Variants in ZNF644 observed in about 807,000 individuals in gnomAD.
ZNF644 encodes the protein zinc finger motif enhancer binding protein 2.
ZNF644 carries 20 observed loss-of-function variants against 108.0 expected under a neutral mutation model. The ratio of observed to expected loss-of-function variants is 0.19; its 90% CI spans 0.13 to 0.27. The LOEUF is 0.27. ZNF644 is among the 10% of genes least tolerant of loss of function. ZNF644 has a pLI of 1.00. For synonymous variants in ZNF644, 542 were observed against 539.1 expected (o/e 1.01, Z -0.08); for missense variants, 1,338 against 1,548.9 (o/e 0.86, Z 2.29).
At chr1:90,927,192 A>T (rs1158672076) in intron 4 of ZNF644, among the ~76,000 whole-genome samples, 1 of 151,978 alleles carries the variant, frequency 6.6e-6, no homozygotes, top group Non-Finnish European at 1.5e-5. Flanking sequence ...TTTCTCTGAA[A>T]TTCCACAGTA....
chr1:90,951,862 C>T (rs868397099), intron 2 of ZNF644, among the ~76,000 whole-genome samples: 2 of 152,272 alleles, frequency 1.3e-5, no homozygotes, highest in East Asian at 1.9e-4. Context: ...CTTAGCATTG[C>T]GCAAATGCTC....
At chr1:91,000,747 C>T (rs1407579457) in intron 1 of ZNF644, among the ~76,000 whole-genome samples, 1 of 152,034 alleles carries the variant, frequency 6.6e-6, no homozygotes, top group Non-Finnish European at 1.5e-5. Context: ...AATCCAGGAG[C>T]TGGTTTTTTG....
intron 2 of ZNF644, among the ~76,000 whole-genome samples, chr1:90,960,945 G>T (rs946083871): frequency 8.5e-5 from 13 of 152,070 alleles, no homozygotes; most frequent in South Asian, 2.1e-4. Flanking sequence ...AAAAGTGAGG[G>T]TGAAATACAG....
intron 1 of ZNF644, among the ~76,000 whole-genome samples, chr1:91,007,128 T>TA (rs1659501018): frequency 6.6e-6 from 1 of 152,102 alleles, no homozygotes; most frequent in Non-Finnish European, 1.5e-5. Context: ...GGTTCTTTTT[T>TA]TTCAGTCACC....
chr1:90,922,202 G>C (rs1649526592), intron 4 of ZNF644, among the ~76,000 whole-genome samples: 1 of 152,116 alleles, frequency 6.6e-6, no homozygotes, highest in South Asian at 2.1e-4. Flanking sequence ...CGCCACCGAA[G>C]TATTTTTATT....
intron 2 of ZNF644, among the ~76,000 whole-genome samples, chr1:90,956,546 A>C: frequency 6.6e-6 from 1 of 152,190 alleles, no homozygotes; most frequent in East Asian, 1.9e-4. Context: ...CAAAAGCAGC[A>C]TGTAGAGGAA....
chr1:90,960,309 C>T (rs1654201830), intron 2 of ZNF644, among the ~76,000 whole-genome samples: 1 of 152,124 alleles, frequency 6.6e-6, no homozygotes, highest in Non-Finnish European at 1.5e-5. Context: ...GCAAGTTTTC[C>T]TGTTGCACCT....
chr1:90,932,763 CAAG>C (rs1390204053), intron 4 of ZNF644, among the ~76,000 whole-genome samples: 4 of 151,708 alleles, frequency 2.6e-5, no homozygotes, highest in African/African-American at 9.7e-5. Context: ...CTCTACTGAT[CAAG>C]AAGATTTTTT....
rs988488681 is a variant in ZNF644 at position 90,983,799 on chromosome 1, C to T, written c.-17-1429G>A. On this transcript the variant is annotated intron_variant, in intron 1 of 5. Coordinates refer to ENST00000337393, the MANE Select transcript of ZNF644 (RefSeq NM_201269.3). ...AAAGTTAGCTGGGCGTGGTGGCACG[C>T]GCCCGTAGTCCCAACTACTCAGGAG... Among the ~76,000 whole-genome samples the T allele has an allele frequency of 4.1e-4, 62 of 152,262 alleles. 1 individual carries two copies. The highest frequency in any genetic ancestry group is 3.3e-4 in the Admixed American group (5 of 15,290).
chr1:91,005,478 C>T lies in ZNF644; in HGVS notation c.-18+16512G>A, dbSNP rs895951142. 9.9e-5 allele frequency among the ~76,000 whole-genome samples: 15 copies of T among 152,156 alleles called. No homozygotes were observed. The East Asian group carries it at 2.7e-3, about 27-fold the overall frequency. On this transcript the variant is annotated intron_variant, in intron 1 of 5. Coordinates refer to ENST00000337393, the MANE Select transcript of ZNF644 (RefSeq NM_201269.3). ...ACTATAAACTCTACAGAATACTCCA[C>T]CTAACAACAGCAGAGTAAGGAATGT... is the stretch of plus-strand genomic sequence containing the variant.
chr1:91,015,445 C>A (rs1036499821), intron 1 of ZNF644, among the ~76,000 whole-genome samples: 1 of 152,186 alleles, frequency 6.6e-6, no homozygotes, highest in Non-Finnish European at 1.5e-5. Flanking sequence ...TGGGTTTATA[C>A]GTACATTACA....
At chr1:90,937,174 G>A (rs1207131249) in intron 4 of ZNF644, among the ~76,000 whole-genome samples, 3 of 152,098 alleles carry the variant, frequency 2.0e-5, no homozygotes, top group African/African-American at 7.2e-5. Context: ...TCCAGCCAGA[G>A]CAAGTTTTAT....
chr1:90,947,017 CTG>C (rs1363904047), intron 2 of ZNF644, among the ~76,000 whole-genome samples: 12 of 152,152 alleles, frequency 7.9e-5, no homozygotes, highest in Non-Finnish European at 7.4e-5. Context: ...AAGCAGGTAA[CTG>C]TGTGGATGAA....
intron 2 of ZNF644, among the ~76,000 whole-genome samples, chr1:90,981,809 T>A (rs537138812): frequency 6.6e-6 from 1 of 152,192 alleles, no homozygotes; most frequent in East Asian, 1.9e-4. Context: ...AACAATAATT[T>A]ACAATTTTGA....
In ZNF644 at chr1:90,941,197, CTT is replaced by C; in HGVS notation, c.155_156del (p.Lys52ArgfsTer6). ...LLDDNNFISD[K>X]ESGVHKPKDC... is the part of the protein sequence containing the mutation. ...TCTTTTGGCTTATGAACTCCGCTCT[CTT>C]TGTCTGAGATAAAATTGTTGTCATC... On this transcript the variant is annotated frameshift_variant, in exon 3 of 6. Transcript: ENST00000337393. LOFTEE classifies it high-confidence loss of function. The C allele has an allele frequency of 6.2e-7, 1 of 1,608,430 alleles. No individual in the cohort carries two copies. Among genetic ancestry groups the C allele is most frequent in the Non-Finnish European group, 8.5e-7 (1 of 1,178,168 alleles).
intron 4 of ZNF644, among the ~76,000 whole-genome samples, chr1:90,932,212 G>T (rs1650809022): frequency 6.6e-6 from 1 of 152,138 alleles, no homozygotes; most frequent in Non-Finnish European, 1.5e-5. Context: ...CCACAGAAAA[G>T]ACCAGGAGCT....
chr1:90,952,488 G>A (rs925179173), intron 2 of ZNF644, among the ~76,000 whole-genome samples: 6 of 151,984 alleles, frequency 3.9e-5, no homozygotes, highest in Admixed American at 3.9e-4. Context: ...TCAAAACACA[G>A]AACATTTATA....
chr1:90,976,572 T>C (rs971827539), intron 2 of ZNF644, among the ~76,000 whole-genome samples: 1 of 152,230 alleles, frequency 6.6e-6, no homozygotes, highest in Non-Finnish European at 1.5e-5. Flanking sequence ...TTAGCCTTTG[T>C]TAGGTTTAAA....
intron 2 of ZNF644, among the ~76,000 whole-genome samples, chr1:90,969,134 T>C (rs546378729): frequency 6.6e-6 from 1 of 152,280 alleles, no homozygotes; most frequent in Non-Finnish European, 1.5e-5. Flanking sequence ...GTTGAAGCCC[T>C]AGTACAAAGT....
Sources: allele counts gnomAD v4.1 joint callset (sites outside exome capture counted in the v4.1 genomes callset), GRCh38; gene constraint gnomAD v4.1.1; transcripts MANE v1.5; gene names NCBI Gene and HGNC (gene_info 2026-07-23, HGNC 2026-07-21).